COL5A2: variants seen among roughly 807,000 people sequenced by gnomAD.
The protein encoded by COL5A2 is collagen type V alpha 2 chain.
In COL5A2, 23 loss-of-function variants were observed where a neutral mutation model predicts 208.2. The ratio of observed to expected loss-of-function variants is 0.11; its 90% CI spans 0.08 to 0.16. The LOEUF is 0.16. COL5A2 is among the 10% of genes least tolerant of loss of function. COL5A2 has a pLI of 1.00. For missense variants in COL5A2, 1,590 were observed against 1,956.4 expected (o/e 0.81, Z 3.53); for synonymous variants, 625 against 628.5 (o/e 0.99, Z 0.08).
chr2:189,219,048 G>T (rs1689314370), intron 1 of COL5A2, among the ~76,000 whole-genome samples: 1 of 152,134 alleles, frequency 6.6e-6, no homozygotes, highest in Non-Finnish European at 1.5e-5. Context: ...TACTTTCAGA[G>T]CAAACAATCC....
At chr2:189,182,217 G>A (rs1684280388), upstream of COL5A2, among the ~76,000 whole-genome samples, 1 of 152,174 alleles carries the variant, frequency 6.6e-6, no homozygotes, top group Admixed American at 6.5e-5. Flanking sequence ...CACTGCTGCA[G>A]TGGGGTACTC....
rs565259405 is a variant in COL5A2 at position 189,080,994 on chromosome 2, T to C, written c.902A>G (p.His301Arg). The change falls in exon 13 of 54, where the codon CAC becomes CGC. Residue 301 changes from histidine (H) to arginine (R), a missense_variant. Physicochemically the swap from His to Arg is conservative, Grantham distance 29. Transcript: ENST00000374866. The part of the protein sequence containing the change: ...GAPGLPGLKG[H>R]RGHKGLEGPK... ...ATTACAATAGATTGAACTTACTCGG[T>C]GACCCTTCAGACCTGGAAGACCAGG... The C allele has an allele frequency of 4.3e-6, 7 of 1,613,262 alleles. No homozygotes were observed. The African/African-American group carries it at 6.7e-5, about 15-fold the overall frequency.
intron 1 of COL5A2, among the ~76,000 whole-genome samples, chr2:189,218,689 AT>A (rs1307048955): frequency 6.6e-6 from 1 of 152,194 alleles, no homozygotes; most frequent in Admixed American, 6.5e-5. Context: ...TTTAAAATGT[AT>A]AAAACCAGCA....
At chr2:189,332,549 A>G in the COL5A2 span, among the ~76,000 whole-genome samples, 2 of 152,008 alleles carry the variant, frequency 1.3e-5, no homozygotes, top group South Asian at 4.2e-4. Context: ...TTCTCATAAT[A>G]GTGAATAAGT....
chr2:189,064,697 GA>G (rs1559086543), intron 24 of COL5A2, 42 bp from the exon 25 acceptor site: 1 of 1,367,766 alleles, frequency 7.3e-7, no homozygotes, highest in East Asian at 2.3e-5. Context: ...AAAGAGTATA[GA>G]AAAACAAAAG....
intron 1 of COL5A2, among the ~76,000 whole-genome samples, chr2:189,168,128 C>T (rs1238734272): frequency 7.2e-5 from 11 of 151,738 alleles, no homozygotes; most frequent in South Asian, 2.1e-4. Flanking sequence ...TTAGTAGAGA[C>T]GGGGGTTTCA....
the COL5A2 span, among the ~76,000 whole-genome samples, chr2:189,308,773 G>A: frequency 6.6e-6 from 1 of 152,154 alleles, no homozygotes; most frequent in Non-Finnish European, 1.5e-5. Flanking sequence ...TCCCTTCAGA[G>A]AGAGGGCTTC....
intron 1 of COL5A2, 71 bp from the exon 2 acceptor site, chr2:189,110,520 T>C (rs1199661686): frequency 2.8e-6 from 4 of 1,420,710 alleles, no homozygotes; most frequent in South Asian, 1.2e-5. Flanking sequence ...AGGTGAGCCA[T>C]CTTGTGGATT....
At chr2:189,251,398 C>A in the COL5A2 span, among the ~76,000 whole-genome samples, 7 of 152,086 alleles carry the variant, frequency 4.6e-5, no homozygotes, top group African/African-American at 1.7e-4. Flanking sequence ...CTGGTCATGG[C>A]ATTTGAGATT....
chr2:189,426,761 G>T, the COL5A2 span, among the ~76,000 whole-genome samples: 1 of 152,208 alleles, frequency 6.6e-6, no homozygotes, highest in African/African-American at 2.4e-5. Context: ...GTGGAACTTA[G>T]AACTTAAAAG....
At chr2:189,350,592 CAG>C in the COL5A2 span, among the ~76,000 whole-genome samples, 5 of 152,162 alleles carry the variant, frequency 3.3e-5, no homozygotes, top group African/African-American at 4.8e-5. Flanking sequence ...GAAAGTCCTG[CAG>C]AGTGTTATTC....
At position 189,064,973 on chromosome 2, in the gene COL5A2, G is replaced by A. The variant is rs750495822; in HGVS notation, c.1617+31C>T. On this transcript the variant is annotated intron_variant, in intron 24 of 53. Transcript: ENST00000374866. ...TGGCATCTTCTGGAGCACCCCCCACGTAAGTATCAACATTGACAGGGCAAC... is the reference window on the plus strand; with the variant it reads ...TGGCATCTTCTGGAGCACCCCCCACATAAGTATCAACATTGACAGGGCAAC... 18 of 1,609,626 alleles carry A rather than the reference G, an allele frequency of 1.1e-5. No homozygotes were observed. The South Asian group carries it at 1.3e-4, about 12-fold the overall frequency.
At chr2:189,098,078 C>T (rs533171759) in intron 5 of COL5A2, among the ~76,000 whole-genome samples, 1 of 150,732 alleles carries the variant, frequency 6.6e-6, no homozygotes, top group Non-Finnish European at 1.5e-5. Context: ...CTTTGTTTCT[C>T]TTTAAAAGAG....
the COL5A2 span, among the ~76,000 whole-genome samples, chr2:189,256,590 CA>C: frequency 6.6e-6 from 1 of 152,156 alleles, no homozygotes; most frequent in Non-Finnish European, 1.5e-5. Context: ...CTGGCTAATT[CA>C]AAAGTTTATA....
At chr2:189,292,583 T>C in the COL5A2 span, among the ~76,000 whole-genome samples, 1 of 152,086 alleles carries the variant, frequency 6.6e-6, no homozygotes, top group South Asian at 2.1e-4. Context: ...AGAATGGCAA[T>C]CATTAAAAAG....
At chr2:189,166,483 G>C (rs1176526290) in intron 1 of COL5A2, among the ~76,000 whole-genome samples, 1 of 152,032 alleles carries the variant, frequency 6.6e-6, no homozygotes, top group Admixed American at 6.6e-5. Flanking sequence ...TATACCATGG[G>C]GCAATTTTAG....
At chr2:189,358,861 T>C in the COL5A2 span, among the ~76,000 whole-genome samples, 1 of 152,210 alleles carries the variant, frequency 6.6e-6, no homozygotes, top group African/African-American at 2.4e-5. Flanking sequence ...CTTGATTTTT[T>C]TTTTCAGATT....
At chr2:189,260,666 T>A in the COL5A2 span, among the ~76,000 whole-genome samples, 1 of 152,082 alleles carries the variant, frequency 6.6e-6, no homozygotes, top group Non-Finnish European at 1.5e-5. Flanking sequence ...ATAGTAAAGG[T>A]CAGAGAAGAG....
At chr2:189,401,936 T>C in the COL5A2 span, among the ~76,000 whole-genome samples, 3 of 152,292 alleles carry the variant, frequency 2.0e-5, 1 homozygote, top group South Asian at 6.2e-4. Flanking sequence ...TGTAAATTTG[T>C]TTAAATTCCT....
Sources: gnomAD v4.1 joint callset for allele counts (sites outside exome capture counted in the v4.1 genomes callset) on GRCh38, gnomAD v4.1.1 for gene constraint, MANE v1.5 for transcripts, NCBI Gene and HGNC (gene_info 2026-07-23, HGNC 2026-07-21) for gene names.